Variants in TNNT1 observed in about 807,000 individuals in gnomAD.
TNNT1 encodes the protein troponin T1, slow skeletal type, also known as troponin T, slow skeletal muscle.
Under a neutral mutation model 50.6 loss-of-function variants are expected in TNNT1, and 53 were observed. The ratio of observed to expected loss-of-function variants is 1.05; its 90% CI spans 0.84 to 1.32. TNNT1 has a LOEUF of 1.32. Ranked by LOEUF, TNNT1 falls within the 40% of genes most tolerant of loss-of-function variation. The pLI is 0.00. For synonymous variants in TNNT1, 142 were observed against 138.0 expected, an observed-to-expected ratio of 1.03 and a Z score of -0.20; for missense variants, 348 against 381.7, an observed-to-expected ratio of 0.91 and a Z score of 0.74.
intron 9 of TNNT1, 88 bp downstream of exon 9, chr19:55,140,795 T>TAAC (rs2085435919): frequency 9.7e-6 from 5 of 514,808 alleles, no homozygotes; most frequent in Non-Finnish European, 1.3e-5. Context: ...ATAATAATAG[T>TAAC]AATAATAATA....
chr19:55,142,472 CAG>C (rs2085476742), intron 6 of TNNT1, among the ~76,000 whole-genome samples: 1 of 151,574 alleles, frequency 6.6e-6, no homozygotes, highest in Non-Finnish European at 1.5e-5. Flanking sequence ...CATTATATAA[CAG>C]ATTAAAAAAA....
At chr19:55,135,941 C>T (rs1023390549) in intron 11 of TNNT1, among the ~76,000 whole-genome samples, 1 of 152,192 alleles carries the variant, frequency 6.6e-6, no homozygotes, top group Non-Finnish European at 1.5e-5. Flanking sequence ...TGTCCCCACA[C>T]GGGTAGTTTG....
At chr19:55,141,434 G>A (rs757382796) in intron 7 of TNNT1, 132 bp from the exon 8 acceptor site, 206 of 739,584 alleles carry the variant, frequency 2.8e-4, no homozygotes, top group Non-Finnish European at 3.2e-4. Context: ...GCAATGCCTC[G>A]TGTTTGACAC....
rs1354057060 is a variant in TNNT1, at chr19:55,140,890, T to C, written c.380A>G (p.Lys127Arg). 1 of 1,613,614 alleles carries C rather than the reference T, an allele frequency of 6.2e-7. No homozygotes were observed. The highest frequency in any genetic ancestry group is 8.5e-7 in the Non-Finnish European group (1 of 1,180,012). ...GGCAGGGGAGGCACCCACCGCCAGC[T>C]TAGCCTGACGTTCGCGTTCCTTCTC... The part of the protein sequence containing the change: ...RTEKERERQA[K>R]LAEEKMRKEE... Residue 127 changes from lysine to arginine, a missense_variant, in exon 9 of 14, where the codon AAG becomes AGG. Around this residue, in one of 3 missense-constraint regions of TNNT1, gnomAD observed 253 missense variants for 291.8 expected, o/e 0.87. Transcript: ENST00000588981.
At chr19:55,148,976 A>G (rs1293750430) in intron 1 of TNNT1, among the ~76,000 whole-genome samples, 185 bp downstream of exon 1, 1 of 152,020 alleles carries the variant, frequency 6.6e-6, no homozygotes, top group East Asian at 1.9e-4. Context: ...CACAAATCCT[A>G]GTATTTTCCC....
At chr19:55,146,314 G>C (rs2085549619) in intron 5 of TNNT1, 120 bp downstream of exon 5, 2 of 630,612 alleles carry the variant, frequency 3.2e-6, no homozygotes, top group African/African-American at 3.8e-5. Context: ...GACCGGGCCT[G>C]GGGGCGGGTT....
intron 11 of TNNT1, among the ~76,000 whole-genome samples, chr19:55,136,300 T>C (rs1253714895): frequency 6.6e-6 from 1 of 152,160 alleles, no homozygotes; most frequent in Non-Finnish European, 1.5e-5. Context: ...TTGCCCAGGC[T>C]GGTCTCCAAC....
chr19:55,134,448 G>A (rs544979814), intron 11 of TNNT1, among the ~76,000 whole-genome samples: 12 of 151,818 alleles, frequency 7.9e-5, no homozygotes, highest in African/African-American at 2.7e-4. Context: ...CACTTTGGGA[G>A]GCAGAGGCCA....
Position 55,134,269 on chromosome 19 carries a change from A to G in TNNT1, c.612-65T>C, listed in dbSNP as rs944706079. 1.2e-4 allele frequency: 173 copies of G among 1,478,060 alleles called. 1 individual carries two copies. Among genetic ancestry groups the G allele is most frequent in the Non-Finnish European group, 1.5e-4 (163 of 1,087,356 alleles). The allele number at this position is 1,478,060 out of a possible 1,614,324, so 91.6% of individuals were successfully genotyped here. ...TTGTGGGAACCACCCAAAGCCACAC[A>G]GCGAGACTGTGAGTTCAGCGTTGTC... On this transcript the variant is annotated intron_variant, in intron 11 of 13. Coordinates refer to ENST00000588981, the MANE Select transcript of TNNT1 (RefSeq NM_003283.6).
Position 55,137,221 on chromosome 19 carries a change from G to A in TNNT1, c.502-9C>T, listed in dbSNP as rs746683905. On this transcript the variant is annotated splice_polypyrimidine_tract_variant and intron_variant, in intron 10 of 13. Coordinates refer to ENST00000588981, the MANE Select transcript of TNNT1 (RefSeq NM_003283.6). ...CCACGCTTCTGTTCTGCCTGAGGGT[G>A]GGGGAGGCGGAACAGTAAACTGGGG... The A allele has an allele frequency of 2.6e-5, 42 of 1,601,940 alleles. No individual in the cohort carries two copies. The highest frequency in any genetic ancestry group is 8.8e-5 in the South Asian group (8 of 90,856).
At chr19:55,138,941 C>T (rs2085403682) in intron 9 of TNNT1, among the ~76,000 whole-genome samples, 1 of 152,208 alleles carries the variant, frequency 6.6e-6, no homozygotes, top group African/African-American at 2.4e-5. Context: ...TGAGCCCCGT[C>T]TCCTTATGGT....
intron 6 of TNNT1, 91 bp downstream of exon 6, chr19:55,145,453 C>T: frequency 7.8e-7 from 1 of 1,279,342 alleles, no homozygotes; most frequent in Non-Finnish European, 1.1e-6. Context: ...TTCCTCCCTC[C>T]ATCTCTGCCT....
chr19:55,133,921 C>A lies in TNNT1; in HGVS notation c.757G>T (p.Val253Leu). 6.2e-7 allele frequency: 1 copy of A among 1,613,624 alleles called. No homozygotes were observed. Among genetic ancestry groups the A allele is most frequent in the Non-Finnish European group, 8.5e-7 (1 of 1,180,030 alleles). The change falls in exon 13 of 14, where the codon GTG becomes TTG. Residue 253 changes from valine (V) to leucine (L), a missense_variant. Val to Leu is a conservative substitution (Grantham distance 32). Coordinates refer to ENST00000588981, the MANE Select transcript of TNNT1 (RefSeq NM_003283.6). ...KLKQQKYEIN[V>L]LYNRISHAQK... is the part of the protein sequence containing the mutation. ...GCGTGGCTGATGCGGTTGTACAGCACGTTGATCTGCGGAGGCAGAAGACAG... is the reference window on the plus strand; with the variant it reads ...GCGTGGCTGATGCGGTTGTACAGCAAGTTGATCTGCGGAGGCAGAAGACAG...
intron 6 of TNNT1, among the ~76,000 whole-genome samples, chr19:55,142,907 T>A (rs2085485028): frequency 6.7e-6 from 1 of 150,166 alleles, no homozygotes; most frequent in Non-Finnish European, 1.5e-5. Context: ...CTCACGCCTG[T>A]AATCCTAGCA....
intron 13 of TNNT1, 111 bp downstream of exon 13, chr19:55,133,776 G>C: frequency 8.1e-7 from 1 of 1,237,464 alleles, no homozygotes; most frequent in Non-Finnish European, 1.2e-6. Flanking sequence ...CAAAGAGAAA[G>C]GGGCAGAAAC....
chr19:55,138,510 T>C (rs571307233), intron 9 of TNNT1, among the ~76,000 whole-genome samples: 2 of 152,164 alleles, frequency 1.3e-5, no homozygotes, highest in Non-Finnish European at 2.9e-5. Context: ...ACTACTGACC[T>C]CAAGTGATCC....
At chr19:55,144,999 A>C (rs970738580) in intron 6 of TNNT1, among the ~76,000 whole-genome samples, 1 of 152,168 alleles carries the variant, frequency 6.6e-6, no homozygotes, top group Non-Finnish European at 1.5e-5. Flanking sequence ...GGGTGGAAAG[A>C]AGGAAACAGA....
At chr19:55,142,101 C>T in intron 6 of TNNT1, 181 bp from the exon 7 acceptor site, 1 of 616,296 alleles carries the variant, frequency 1.6e-6, no homozygotes, top group South Asian at 1.8e-5. Flanking sequence ...CCTCACTACT[C>T]ATGTTTTTTT....
chr19:55,143,738 T>C (rs985808939), intron 6 of TNNT1, among the ~76,000 whole-genome samples: 5 of 152,084 alleles, frequency 3.3e-5, no homozygotes, highest in African/African-American at 1.2e-4. Context: ...TTTTCCCTTT[T>C]CTCATCATCA....
Sources: allele counts gnomAD v4.1 joint callset (sites outside exome capture counted in the v4.1 genomes callset), GRCh38; gene constraint gnomAD v4.1.1; regional missense constraint gnomAD v4.1.1; transcripts MANE v1.5; gene names NCBI Gene and HGNC (gene_info 2026-07-23, HGNC 2026-07-21).